Variants in IGFBP7 observed in about 807,000 individuals in gnomAD.
IGFBP7 encodes the protein insulin-like growth factor-binding protein 7.
In IGFBP7, 31 loss-of-function variants were observed where a neutral mutation model predicts 29.4. The ratio of observed to expected loss-of-function variants is 1.05; its 90% confidence interval spans 0.79 to 1.42. The LOEUF (loss-of-function observed/expected upper bound fraction) is 1.42. Among genes scored for constraint, IGFBP7 ranks in the 40% most tolerant of loss-of-function variants. The probability of loss-of-function intolerance (pLI) is 0.00; values close to 1 mark genes in which losing one functional copy is unlikely to be tolerated. For synonymous variants in IGFBP7, 172 were observed against 174.9 expected, an observed-to-expected ratio of 0.98 and a Z score of 0.13; for missense variants, 393 against 395.5, an observed-to-expected ratio of 0.99 and a Z score of 0.05.
In IGFBP7 at chr4:57,084,788, G is replaced by GTTTTTTTT. The variant is rs57704332; in HGVS notation, c.475+25081_475+25088dup. Among the ~76,000 whole-genome samples the GTTTTTTTT allele has an allele frequency of 9.8e-4, 111 of 113,080 alleles. 25 individuals carry two copies. The highest frequency in any genetic ancestry group is 1.5e-3 in the Non-Finnish European group (85 of 58,080). The allele number at this position is 113,080 out of a possible 152,430, so 74.2% of individuals were successfully genotyped here. ...CTTTTTACTCAGATGTTTAAAAAAG[G>GTTTTTTTT]TTTTTTTTTTTTTTTTTTTTGGGAC... On this transcript the variant is annotated intron_variant, in intron 1 of 4. Coordinates refer to ENST00000295666, the MANE Select transcript of IGFBP7 (RefSeq NM_001553.3).
rs1285689446 is a variant in IGFBP7 at position 57,031,311 on chromosome 4, G to A, written c.*6C>T. Reference sequence around the variant, plus strand: ...TAACCATGCAGACTAATAATATTCTGGAGGTTTATAGCTCGGCACCTTCAC... The same window carrying A: ...TAACCATGCAGACTAATAATATTCTAGAGGTTTATAGCTCGGCACCTTCAC... On this transcript the variant is annotated 3_prime_UTR_variant, in exon 5 of 5. Coordinates refer to ENST00000295666, the MANE Select transcript of IGFBP7 (RefSeq NM_001553.3). 1 of 1,602,550 alleles carries A rather than the reference G, an allele frequency of 6.2e-7. No individual in the cohort carries two copies. Among genetic ancestry groups the A allele is most frequent in the Non-Finnish European group, 8.5e-7 (1 of 1,172,096 alleles).
chr4:57,051,450 T>C (rs1724500543), intron 1 of IGFBP7, among the ~76,000 whole-genome samples: 1 of 152,216 alleles, frequency 6.6e-6, no homozygotes, highest in Admixed American at 6.5e-5. Context: ...ATTCATCTAG[T>C]TATGGAAGCT....
At chr4:57,047,202 G>A (rs1284470257) in intron 1 of IGFBP7, among the ~76,000 whole-genome samples, 1 of 152,186 alleles carries the variant, frequency 6.6e-6, no homozygotes, top group East Asian at 1.9e-4. Context: ...TTTTTCCTGT[G>A]CTGTTCTCGT....
rs537267672 is a variant in IGFBP7, at chr4:57,062,821, C to CA, written c.476-21889_476-21888insT. ...ACACTCCTGGGTAGAGTCCAGCAATCCTTCTATTAGAGAAAATGTTTTCTC... is the reference window on the plus strand; with the variant it reads ...ACACTCCTGGGTAGAGTCCAGCAATCACTTCTATTAGAGAAAATGTTTTCTC... On this transcript the variant is annotated intron_variant, in intron 1 of 4. Transcript: ENST00000295666. Among the ~76,000 whole-genome samples the CA allele has an allele frequency of 3.6e-3, 555 of 152,292 alleles. 5 individuals carry two copies. The highest frequency in any genetic ancestry group is 0.013 in the African/African-American group (522 of 41,552).
rs191291704 is a variant in IGFBP7 at position 57,078,093 on chromosome 4, C to A, written c.475+31784G>T. 2.3e-3 allele frequency among the ~76,000 whole-genome samples: 351 copies of A among 152,204 alleles called. 3 individuals carry two copies. The highest frequency in any genetic ancestry group is 8.2e-3 in the African/African-American group (340 of 41,522). ...TCCTGTTTCATGTTACTCTTTTCCC[C>A]CCTCAACTCATTCCTGCCACGCACC... On this transcript the variant is annotated intron_variant, in intron 1 of 4. Transcript: ENST00000295666.
chr4:57,049,659 A>G (rs1377101363), intron 1 of IGFBP7, among the ~76,000 whole-genome samples: 3 of 152,164 alleles, frequency 2.0e-5, no homozygotes, highest in Admixed American at 6.5e-5. Flanking sequence ...GGTTTCGGTA[A>G]GTTCCACAGA....
rs765892427 is a variant in IGFBP7, at chr4:57,110,091, G to T, written c.261C>A (p.Cys87Ter). ...CCTTCCGCCTCTTGCGGCTCTTCACGCACTCCATGCCCGGCGCGCAGTACC... is the reference window on the plus strand; with the variant it reads ...CCTTCCGCCTCTTGCGGCTCTTCACTCACTCCATGCCCGGCGCGCAGTACC... ...GRGYCAPGME[C>*]VKSRKRRKGK... is the part of the protein sequence containing the mutation. The change falls in exon 1 of 5, where the codon TGC (cysteine) becomes TGA (stop). Residue 87 changes from cysteine (C) to a stop codon, truncating the protein, a stop_gained. Transcript: ENST00000295666. LOFTEE classifies it high-confidence loss of function. 2 of 1,548,552 alleles carry T rather than the reference G, an allele frequency of 1.3e-6. No homozygotes were observed. Among genetic ancestry groups the T allele is most frequent in the South Asian group, 2.4e-5 (2 of 84,786 alleles).
chr4:57,110,151 C>T lies in IGFBP7; in HGVS notation c.201G>A (p.Glu67=), dbSNP rs1726156155. Residue 67 remains glutamate, a synonymous_variant, in exon 1 of 5, where the codon GAG becomes GAA. Transcript: ENST00000295666. ...CGCCPMCARG[E]GEPCGGGGAG... The stretch of plus-strand genomic sequence containing the variant: ...CGCCGCCACCCCCGCACGGCTCGCC[C>T]TCGCCGCGGGCGCACATAGGGCAGC... 6.8e-7 allele frequency: 1 copy of T among 1,471,566 alleles called. No homozygotes were observed. Among genetic ancestry groups the T allele is most frequent in the African/African-American group, 1.5e-5 (1 of 68,014 alleles). 91.2% of individuals were successfully genotyped at this position (1,471,566 alleles called of 1,614,324 possible).
chr4:57,103,355 C>G (rs952074479), intron 1 of IGFBP7, among the ~76,000 whole-genome samples: 1 of 152,228 alleles, frequency 6.6e-6, no homozygotes, highest in African/African-American at 2.4e-5. Context: ...CAGGCCCTCC[C>G]CTATCACTGG....
intron 1 of IGFBP7, among the ~76,000 whole-genome samples, chr4:57,074,476 C>T (rs1725173384): frequency 1.3e-5 from 2 of 152,234 alleles, no homozygotes; most frequent in Non-Finnish European, 2.9e-5. Context: ...GCCTCTACTT[C>T]CCATTCAGGG....
At chr4:57,060,659 C>G (rs1045450907) in intron 1 of IGFBP7, among the ~76,000 whole-genome samples, 1 of 152,162 alleles carries the variant, frequency 6.6e-6, no homozygotes, top group Non-Finnish European at 1.5e-5. Flanking sequence ...CCTGCTACAC[C>G]AGCACTTTGG....
chr4:57,073,363 G>C (rs890095451), intron 1 of IGFBP7, among the ~76,000 whole-genome samples: 3 of 152,082 alleles, frequency 2.0e-5, no homozygotes, highest in Non-Finnish European at 4.4e-5. Flanking sequence ...GGGAGGCTGA[G>C]AGGGGAGGAT....
At chr4:57,039,235 A>C (rs1724160517) in intron 2 of IGFBP7, among the ~76,000 whole-genome samples, 1 of 152,156 alleles carries the variant, frequency 6.6e-6, no homozygotes, top group African/African-American at 2.4e-5. Flanking sequence ...TGAAGGGAAA[A>C]ATTTCCAGGA....
At chr4:57,034,953 A>G (rs1223882005) in intron 2 of IGFBP7, among the ~76,000 whole-genome samples, 1 of 152,204 alleles carries the variant, frequency 6.6e-6, no homozygotes, top group Non-Finnish European at 1.5e-5. Flanking sequence ...GAAACGGTTT[A>G]TGCTAATACA....
chr4:57,062,786 C>T (rs1030300202), intron 1 of IGFBP7, among the ~76,000 whole-genome samples: 6 of 152,166 alleles, frequency 3.9e-5, no homozygotes, highest in African/African-American at 1.4e-4. Context: ...TCAATGTTAA[C>T]ACTTAGTAAA....
chr4:57,031,367 G>T (rs780387510), intron 4 of IGFBP7, 31 bp from the exon 5 acceptor site: 3 of 1,547,720 alleles, frequency 1.9e-6, no homozygotes, highest in Non-Finnish European at 2.7e-6. Context: ...ATAAAAATTA[G>T]TTACATATGG....
chr4:57,088,716 A>G (rs1725558879), intron 1 of IGFBP7, among the ~76,000 whole-genome samples: 1 of 152,086 alleles, frequency 6.6e-6, no homozygotes, highest in Non-Finnish European at 1.5e-5. Context: ...TTTAAAGATG[A>G]CAAAACTGAG....
chr4:57,109,881 C>G lies in IGFBP7; in HGVS notation c.471G>C (p.Glu157Asp), dbSNP rs1726133286. 6.5e-7 allele frequency: 1 copy of G among 1,543,814 alleles called. No individual in the cohort carries two copies. The highest frequency in any genetic ancestry group is 8.7e-7 in the Non-Finnish European group (1 of 1,150,812). Residue 157 changes from glutamate to aspartate, a missense_variant, in exon 1 of 5, where the codon GAG (glutamate) becomes GAC (aspartate). Glu to Asp is a conservative substitution (Grantham distance 45). Coordinates refer to ENST00000295666, the MANE Select transcript of IGFBP7 (RefSeq NM_001553.3). ...GAGGGAAGCGCTCGTGCCCACCTTG[C>G]TCGCAGGTGCCCTTGCTGACCTGGG... The part of the protein sequence containing the change: ...AITQVSKGTC[E>D]QGPSIVTPPK...
intron 1 of IGFBP7, among the ~76,000 whole-genome samples, chr4:57,063,449 G>A (rs1349873622): frequency 6.6e-6 from 1 of 152,230 alleles, no homozygotes; most frequent in Admixed American, 6.5e-5. Context: ...GCAAACTGCT[G>A]AGTAGTTGAG....
Sources: allele counts gnomAD v4.1 joint callset (sites outside exome capture counted in the v4.1 genomes callset), GRCh38; gene constraint gnomAD v4.1.1; transcripts MANE v1.5; gene names NCBI Gene and HGNC (gene_info 2026-07-23, HGNC 2026-07-21).